Variants in CHCHD6 observed in about 807,000 individuals in gnomAD.
CHCHD6 encodes coiled-coil-helix-coiled-coil-helix domain containing 6, also known as MICOS complex subunit MIC25.
In CHCHD6, 28 loss-of-function variants were observed where a neutral mutation model predicts 32.3. The ratio of observed to expected loss-of-function variants is 0.87; its 90% confidence interval spans 0.64 to 1.19. The LOEUF is 1.19. Among genes scored for constraint, CHCHD6 ranks in the 50% most tolerant of loss-of-function variants. The probability of loss-of-function intolerance (pLI) is 0.00; values close to 1 mark genes in which losing one functional copy is unlikely to be tolerated. For synonymous variants in CHCHD6, 122 were observed against 117.5 expected (o/e 1.04, Z -0.25); for missense variants, 333 against 307.0 (o/e 1.08, Z -0.63).
At chr3:126,760,740 G>A (rs1005410671) in intron 4 of CHCHD6, among the ~76,000 whole-genome samples, 5 of 152,198 alleles carry the variant, frequency 3.3e-5, no homozygotes, top group African/African-American at 1.2e-4. Context: ...ATCTGTTGAT[G>A]GGCACTTGAG....
At chr3:126,846,022 C>T (rs1411986467) in intron 4 of CHCHD6, among the ~76,000 whole-genome samples, 1 of 152,094 alleles carries the variant, frequency 6.6e-6, no homozygotes, top group Non-Finnish European at 1.5e-5. Context: ...TTATCATGTC[C>T]CATCCCTGTT....
chr3:126,934,553 T>C (rs1337838583), intron 6 of CHCHD6, among the ~76,000 whole-genome samples: 2 of 135,116 alleles, frequency 1.5e-5, no homozygotes, highest in Non-Finnish European at 3.2e-5. Context: ...TTTTTTTTTT[T>C]TTTTTTTTTT....
intron 3 of CHCHD6, among the ~76,000 whole-genome samples, chr3:126,731,098 TAAAAAAAAAAAAAAA>T (rs34596059): frequency 1.4e-5 from 1 of 73,982 alleles, no homozygotes; most frequent in Admixed American, 1.8e-4. Context: ...ACCCTGTCTC[TAAAAAAAAAAAAAAA>T]AAAAAAAAAA....
intron 4 of CHCHD6, among the ~76,000 whole-genome samples, chr3:126,822,286 T>C (rs1940184972): frequency 6.6e-6 from 1 of 152,220 alleles, no homozygotes; most frequent in Non-Finnish European, 1.5e-5. Context: ...ATATAGAAAT[T>C]CAGTTTATTA....
chr3:126,807,677 A>G (rs1055015935), intron 4 of CHCHD6, among the ~76,000 whole-genome samples: 8 of 152,230 alleles, frequency 5.3e-5, no homozygotes, highest in African/African-American at 1.9e-4. Flanking sequence ...TTCGTAGCCC[A>G]TTAGCTTTCG....
chr3:126,769,293 T>C (rs116394561), intron 4 of CHCHD6, among the ~76,000 whole-genome samples: 1,813 of 152,310 alleles, frequency 0.012, 20 homozygotes, highest in Middle Eastern at 0.048. Context: ...CTTTTCCTCA[T>C]TGCTGGTTTT....
At chr3:126,841,835 G>C (rs1207290259) in intron 4 of CHCHD6, among the ~76,000 whole-genome samples, 1 of 152,164 alleles carries the variant, frequency 6.6e-6, no homozygotes, top group Non-Finnish European at 1.5e-5. Context: ...GATTGCTTGA[G>C]CCCAGGAAGT....
chr3:126,951,315 GTTAT>G (rs779717589), intron 6 of CHCHD6, among the ~76,000 whole-genome samples: 3 of 152,158 alleles, frequency 2.0e-5, no homozygotes, highest in Non-Finnish European at 4.4e-5. Flanking sequence ...GTCTCAGGCA[GTTAT>G]TTATAGGAGT....
intron 5 of CHCHD6, among the ~76,000 whole-genome samples, chr3:126,865,217 CT>C (rs1164442580): frequency 1.3e-5 from 2 of 149,476 alleles, no homozygotes; most frequent in African/African-American, 4.9e-5. Context: ...CCTCCTCCTC[CT>C]CCACCACCAC....
At chr3:126,711,965 C>A (rs2107650064) in intron 1 of CHCHD6, among the ~76,000 whole-genome samples, 1 of 152,358 alleles carries the variant, frequency 6.6e-6, no homozygotes, top group Non-Finnish European at 1.5e-5. Context: ...CTGAATCCAT[C>A]ACATGTTCTG....
rs576043873 is a variant in CHCHD6 at position 126,767,116 on chromosome 3, G to T, written c.411+33894G>T. On this transcript the variant is annotated intron_variant, in intron 4 of 7. Transcript: ENST00000290913. ...GGGCGATGAACTTCCCATCCGAGTT[G>T]TGTCCCAGCTGACCATATTCATGGC... 6.4e-5 allele frequency: 93 copies of T among 1,464,044 alleles called. No homozygotes were observed. In the Middle Eastern group the frequency reaches 6.9e-4, roughly 11 times the overall value. 90.7% of individuals were successfully genotyped at this position (1,464,044 alleles called of 1,614,324 possible).
At chr3:126,862,431 C>A (rs1941954589) in intron 5 of CHCHD6, among the ~76,000 whole-genome samples, 1 of 137,516 alleles carries the variant, frequency 7.3e-6, no homozygotes, top group African/African-American at 2.7e-5. Context: ...TCACCACCTC[C>A]TCCTCCTCCA....
chr3:126,901,013 C>T (rs58371889), intron 5 of CHCHD6, among the ~76,000 whole-genome samples: 2 of 152,124 alleles, frequency 1.3e-5, no homozygotes, highest in East Asian at 3.9e-4. Context: ...AAACACCCCC[C>T]CCAGGCCCTA....
chr3:126,958,258 C>T (rs2078815141), intron 7 of CHCHD6, among the ~76,000 whole-genome samples: 1 of 152,094 alleles, frequency 6.6e-6, no homozygotes, highest in Non-Finnish European at 1.5e-5. Flanking sequence ...AGCCATACCT[C>T]ACCCTTGCCC....
intron 5 of CHCHD6, among the ~76,000 whole-genome samples, chr3:126,880,987 A>G (rs537357733): frequency 1.2e-4 from 19 of 152,360 alleles, no homozygotes; most frequent in African/African-American, 3.6e-4. Flanking sequence ...GGACAACAGC[A>G]ATAATCATAG....
chr3:126,946,421 G>A (rs955130140), intron 6 of CHCHD6, among the ~76,000 whole-genome samples: 1 of 152,184 alleles, frequency 6.6e-6, no homozygotes, highest in African/African-American at 2.4e-5. Context: ...GGACAATCCT[G>A]TCACACGCAG....
intron 6 of CHCHD6, among the ~76,000 whole-genome samples, chr3:126,954,742 A>G (rs921815187): frequency 6.6e-6 from 1 of 152,192 alleles, no homozygotes; most frequent in African/African-American, 2.4e-5. Context: ...AGCAGAGGCT[A>G]TGATGGAAGT....
intron 4 of CHCHD6, among the ~76,000 whole-genome samples, chr3:126,749,019 C>T (rs896274561): frequency 6.6e-6 from 1 of 152,156 alleles, no homozygotes; most frequent in Non-Finnish European, 1.5e-5. Flanking sequence ...ATGTGAGCCG[C>T]GACCTAGAGG....
At chr3:126,929,564 T>G (rs1055071986) in intron 6 of CHCHD6, among the ~76,000 whole-genome samples, 1 of 151,192 alleles carries the variant, frequency 6.6e-6, no homozygotes, top group African/African-American at 2.4e-5. Flanking sequence ...CTCTCTCAAC[T>G]CTCTCTCTCT....
Sources: allele counts gnomAD v4.1 joint callset (sites outside exome capture counted in the v4.1 genomes callset), GRCh38; gene constraint gnomAD v4.1.1; transcripts MANE v1.5; gene names NCBI Gene and HGNC (gene_info 2026-07-23, HGNC 2026-07-21).